RPH3AL: variants seen among roughly 807,000 people sequenced by gnomAD.
RPH3AL encodes rab effector Noc2.
Under a neutral mutation model 43.1 loss-of-function variants are expected in RPH3AL, and 38 were observed. That is an observed-to-expected ratio of 0.88 (90% CI 0.68 to 1.15). The LOEUF (loss-of-function observed/expected upper bound fraction) is 1.15, where lower values mean the gene tolerates loss of function less well. Ranked by LOEUF, RPH3AL falls within the 50% of genes most tolerant of loss-of-function variation. RPH3AL has a pLI of 0.00. For synonymous variants in RPH3AL, 189 were observed against 176.3 expected, an observed-to-expected ratio of 1.07 and a Z score of -0.57; for missense variants, 462 against 423.2, an observed-to-expected ratio of 1.09 and a Z score of -0.81.
intron 7 of RPH3AL, among the ~76,000 whole-genome samples, chr17:224,264 C>G (rs1373358727): frequency 3.5e-5 from 5 of 143,570 alleles, no homozygotes; most frequent in Non-Finnish European, 8.1e-5. Context: ...TTCCCCATGC[C>G]CCCAGGACCA....
chr17:230,458 G>A (rs2041206268), intron 7 of RPH3AL, among the ~76,000 whole-genome samples: 1 of 152,178 alleles, frequency 6.6e-6, no homozygotes. Context: ...GGACGAGCTG[G>A]AATTTAAGGA....
At chr17:252,458 A>C (rs1174129106) in intron 6 of RPH3AL, among the ~76,000 whole-genome samples, 1 of 152,002 alleles carries the variant, frequency 6.6e-6, no homozygotes, top group African/African-American at 2.4e-5. Flanking sequence ...TGTTTTTTTG[A>C]AAACTAGGCT....
rs192279813 is a variant in RPH3AL at position 262,249 on chromosome 17, C to T, written c.439-14964G>A. ...ACAGTTTTTTTTTTAGATGGTGTCT[C>T]GCTCTGTCACCCAGGCTGGAGTGCA... On this transcript the variant is annotated intron_variant, in intron 6 of 9. Coordinates refer to ENST00000331302, the MANE Select transcript of RPH3AL (RefSeq NM_006987.4). Among the ~76,000 whole-genome samples, 169 of 152,102 alleles carry T rather than the reference C, an allele frequency of 1.1e-3. 1 individual carries two copies. Among genetic ancestry groups the T allele is most frequent in the African/African-American group, 3.4e-3 (143 of 41,506 alleles).
intron 7 of RPH3AL, among the ~76,000 whole-genome samples, chr17:242,104 A>G (rs138685430): frequency 2.8e-4 from 42 of 152,268 alleles, no homozygotes; most frequent in Middle Eastern, 3.4e-3. Flanking sequence ...GTGGCAGAGC[A>G]AGACTGTCTC....
chr17:297,171 AG>A (rs1277528148), intron 5 of RPH3AL, among the ~76,000 whole-genome samples: 2 of 152,180 alleles, frequency 1.3e-5, no homozygotes, highest in Non-Finnish European at 2.9e-5. Context: ...GAGGTTCTTG[AG>A]GGGAGGCCCC....
chr17:220,021 T>G (rs1295972149), intron 7 of RPH3AL, among the ~76,000 whole-genome samples: 1 of 152,180 alleles, frequency 6.6e-6, no homozygotes, highest in African/African-American at 2.4e-5. Context: ...TGACAACCCC[T>G]GTTCTAGTTC....
In RPH3AL at chr17:245,082, C is replaced by T. The variant is rs532531091; in HGVS notation, c.613+2029G>A. On this transcript the variant is annotated intron_variant, in intron 7 of 9. Transcript: ENST00000331302. The surrounding 1 kb of genome is among the most constrained non-coding windows in gnomAD (Gnocchi z 5.9). Reference sequence around the variant, plus strand: ...GGATGTGTGTGCATAAATGTGCATGCGCAAGTGTGTGTAGACGTGTGTGTA... The same window carrying T: ...GGATGTGTGTGCATAAATGTGCATGTGCAAGTGTGTGTAGACGTGTGTGTA... 0.035 allele frequency among the ~76,000 whole-genome samples: 5,198 copies of T among 147,842 alleles called. 119 individuals are homozygous for T. Among genetic ancestry groups the T allele is most frequent in the South Asian group, 0.097 (444 of 4,560 alleles).
chr17:314,035 G>A (rs1355043324), intron 5 of RPH3AL, among the ~76,000 whole-genome samples: 1 of 152,176 alleles, frequency 6.6e-6, no homozygotes, highest in Admixed American at 6.5e-5. Flanking sequence ...CCAGCCCACA[G>A]CTCCAGAGTA....
At chr17:336,659 C>T (rs2044963088) in intron 1 of RPH3AL, among the ~76,000 whole-genome samples, 1 of 152,206 alleles carries the variant, frequency 6.6e-6, no homozygotes, top group Non-Finnish European at 1.5e-5. Flanking sequence ...GTGTGATTCC[C>T]CTGCTCAGAA....
chr17:314,687 C>T (rs9890238), intron 5 of RPH3AL, among the ~76,000 whole-genome samples: 4,757 of 141,836 alleles, frequency 0.034, 9 homozygotes, highest in Middle Eastern at 0.056. Flanking sequence ...TGTGACTCCA[C>T]CTCCATTGAC....
chr17:276,911 T>C (rs1374891132), intron 6 of RPH3AL, among the ~76,000 whole-genome samples: 2 of 152,216 alleles, frequency 1.3e-5, no homozygotes, highest in African/African-American at 2.4e-5. Flanking sequence ...TAAAGTGGTC[T>C]TTTTTGTATA....
intron 5 of RPH3AL, among the ~76,000 whole-genome samples, chr17:286,452 G>A (rs540536598): frequency 3.5e-4 from 53 of 151,736 alleles, no homozygotes; most frequent in Non-Finnish European, 4.7e-4. Flanking sequence ...GGCAGGGGGC[G>A]TTCCTAAGAG....
intron 1 of RPH3AL, among the ~76,000 whole-genome samples, chr17:336,975 G>A (rs1024587951): frequency 1.3e-5 from 2 of 152,176 alleles, no homozygotes; most frequent in Non-Finnish European, 2.9e-5. Flanking sequence ...CCTCCCGTCA[G>A]CATTTCATTC....
chr17:274,054 A>G lies in RPH3AL; in HGVS notation c.438+7714T>C, dbSNP rs1289813924. On this transcript the variant is annotated intron_variant, in intron 6 of 9. Coordinates refer to ENST00000331302, the MANE Select transcript of RPH3AL (RefSeq NM_006987.4). This position sits in a 1 kb window ranked among gnomAD's most constrained non-coding sequence, Gnocchi z 4.7. ...AGTGAACTTTTCTACTGATTACAGC[A>G]TCACTTTGAGTGAGTCATTCTTCGT... Among the ~76,000 whole-genome samples the G allele has an allele frequency of 6.6e-6, 1 of 152,240 alleles. No individual in the cohort carries two copies. The highest frequency in any genetic ancestry group is 2.4e-5 in the African/African-American group (1 of 41,462).
At chr17:294,089 ACAGG>A (rs2043112117) in intron 5 of RPH3AL, among the ~76,000 whole-genome samples, 1 of 152,172 alleles carries the variant, frequency 6.6e-6, no homozygotes, top group African/African-American at 2.4e-5. Context: ...AGGGGAAAGC[ACAGG>A]ACGTGGGGCT....
chr17:314,728 C>A (rs1277108391), intron 5 of RPH3AL, among the ~76,000 whole-genome samples: 2 of 115,680 alleles, frequency 1.7e-5, no homozygotes, highest in Non-Finnish European at 3.6e-5. Flanking sequence ...CTCCACTGAC[C>A]TGTAGTCTCT....
chr17:259,180 T>C (rs1473774947), intron 6 of RPH3AL, among the ~76,000 whole-genome samples: 42 of 152,294 alleles, frequency 2.8e-4, no homozygotes, highest in African/African-American at 1.0e-3. Context: ...CCATCCAGCA[T>C]GGCTGGTGAT....
chr17:242,117 T>TA (rs1200905721), intron 7 of RPH3AL, among the ~76,000 whole-genome samples: 1 of 150,464 alleles, frequency 6.6e-6, no homozygotes, highest in Non-Finnish European at 1.5e-5. Context: ...ACTGTCTCAA[T>TA]AAAAAAAAGA....
rs754488401 is a variant in RPH3AL at position 331,774 on chromosome 17, A to T, written c.-37+1985T>A. 11 of 1,289,064 alleles carry T rather than the reference A, an allele frequency of 8.5e-6. No homozygotes were observed. In the Admixed American group the frequency reaches 2.5e-4, roughly 30 times the overall value. The allele number at this position is 1,289,064 out of a possible 1,614,324, so 79.9% of individuals were successfully genotyped here. The stretch of plus-strand genomic sequence containing the variant: ...CTCACCTCTTGGGCTCAGAGGGCAG[A>T]AAGTCTGACCCTTCTCTCTTAAAAG... On this transcript the variant is annotated intron_variant, in intron 2 of 9. Coordinates refer to ENST00000331302, the MANE Select transcript of RPH3AL (RefSeq NM_006987.4).
Sources: allele counts gnomAD v4.1 joint callset (sites outside exome capture counted in the v4.1 genomes callset), GRCh38; gene constraint gnomAD v4.1.1; non-coding constraint Gnocchi (gnomAD v3.1); transcripts MANE v1.5; gene names NCBI Gene and HGNC (gene_info 2026-07-23, HGNC 2026-07-21).